The following MAPK9 variants were observed in gnomAD, a reference collection of about 807,000 sequenced individuals.
The protein encoded by MAPK9 is mitogen-activated protein kinase 9, also known as Jun kinase.
MAPK9 carries 30 observed loss-of-function variants against 57.1 expected under a neutral mutation model. The ratio of observed to expected loss-of-function variants is 0.53; its 90% CI spans 0.39 to 0.71. The LOEUF (loss-of-function observed/expected upper bound fraction) is 0.71. MAPK9 is among the 30% of genes least tolerant of loss of function. The pLI is 0.00. For missense variants in MAPK9, 362 were observed against 521.0 expected, an observed-to-expected ratio of 0.69 and a Z score of 2.97; for synonymous variants, 155 against 177.0, an observed-to-expected ratio of 0.88 and a Z score of 0.99.
intron 5 of MAPK9, among the ~76,000 whole-genome samples, chr5:180,251,003 C>T (rs1006812789): frequency 1.3e-5 from 2 of 152,192 alleles, no homozygotes; most frequent in Admixed American, 6.5e-5. Flanking sequence ...ATGACAAGAA[C>T]AGGCATTTTA....
At chr5:180,249,692 A>G (rs1758479072) in intron 5 of MAPK9, among the ~76,000 whole-genome samples, 1 of 152,254 alleles carries the variant, frequency 6.6e-6, no homozygotes, top group Non-Finnish European at 1.5e-5. Flanking sequence ...ATTTTCTACT[A>G]GCCATGCTCA....
At chr5:180,270,165 T>C (rs1761120464) in intron 2 of MAPK9, among the ~76,000 whole-genome samples, 1 of 152,242 alleles carries the variant, frequency 6.6e-6, no homozygotes, top group South Asian at 2.1e-4. Context: ...TTATCACCTC[T>C]GGGCTACTCA....
At position 180,266,340 on chromosome 5, in the gene MAPK9, G is replaced by A. The variant is rs1452985824; in HGVS notation, c.253-1501C>T. On this transcript the variant is annotated intron_variant, in intron 3 of 11. Coordinates refer to ENST00000452135, the MANE Select transcript of MAPK9 (RefSeq NM_002752.5). Reference sequence around the variant, plus strand: ...ACTTTTTTTTTTTTTTTGAGATGGAGTTTCATTCTTGTCCCCCAGGCTGGA... The same window carrying A: ...ACTTTTTTTTTTTTTTTGAGATGGAATTTCATTCTTGTCCCCCAGGCTGGA... Among the ~76,000 whole-genome samples the A allele has an allele frequency of 3.3e-5, 5 of 149,490 alleles. No individual in the cohort carries two copies. In the East Asian group the frequency reaches 7.8e-4, roughly 23 times the overall value.
chr5:180,279,184 T>C (rs1010028112), intron 2 of MAPK9, among the ~76,000 whole-genome samples: 2 of 152,096 alleles, frequency 1.3e-5, no homozygotes, highest in Non-Finnish European at 2.9e-5. Context: ...TCTCGATCTC[T>C]TGACCTCGTG....
rs1047526506 is a variant in MAPK9 at position 180,252,630 on chromosome 5, G to A, written c.451-3492C>T. Among the ~76,000 whole-genome samples the A allele has an allele frequency of 2.6e-5, 4 of 152,176 alleles. 1 individual carries two copies. The highest frequency in any genetic ancestry group is 2.0e-4 in the Admixed American group (3 of 15,284). ...TACTCACAGGCCAAGGAACTCGTGT[G>A]GGCGTTACTCCACCTGCCAAGCGCC... On this transcript the variant is annotated intron_variant, in intron 5 of 11. Coordinates refer to ENST00000452135, the MANE Select transcript of MAPK9 (RefSeq NM_002752.5).
chr5:180,268,838 A>G (rs1008556674), intron 3 of MAPK9, among the ~76,000 whole-genome samples: 1 of 134,394 alleles, frequency 7.4e-6, no homozygotes, highest in Non-Finnish European at 1.6e-5. Context: ...AAAAAAAAAG[A>G]ATGTTATCAA....
chr5:180,245,258 C>T (rs1757992777), intron 7 of MAPK9, among the ~76,000 whole-genome samples: 1 of 152,154 alleles, frequency 6.6e-6, no homozygotes, highest in Admixed American at 6.5e-5. Context: ...AGCTTCAAAG[C>T]AGAGTACAAG....
rs555474810 is a variant in MAPK9 at position 180,280,036 on chromosome 5, C to A, written c.122+404G>T. 6.6e-6 allele frequency: 3 copies of A among 457,602 alleles called. No homozygotes were observed. The East Asian group carries it at 2.1e-4, about 32-fold the overall frequency. 28.3% of individuals were successfully genotyped at this position (457,602 alleles called of 1,614,324 possible). ...ATGGCAAGGCACTGCAATGATGGCG[C>A]CTGGAAATGAACAGGAGTGATCGGG... On this transcript the variant is annotated intron_variant, in intron 2 of 11. Transcript: ENST00000452135.
intron 2 of MAPK9, among the ~76,000 whole-genome samples, chr5:180,274,881 T>C (rs1465121643): frequency 6.6e-6 from 1 of 152,232 alleles, no homozygotes; most frequent in African/African-American, 2.4e-5. Context: ...TGGATACTTT[T>C]TGCTGACCTC....
At chr5:180,263,964 C>T (rs887905009) in intron 4 of MAPK9, among the ~76,000 whole-genome samples, 2 of 152,202 alleles carry the variant, frequency 1.3e-5, no homozygotes, top group African/African-American at 2.4e-5. Flanking sequence ...CTCGGCCTCC[C>T]AAAGTGCTGG....
In MAPK9 at chr5:180,268,624, G is replaced by A. The variant is rs561342400; in HGVS notation, c.252+656C>T. On this transcript the variant is annotated intron_variant, in intron 3 of 11. Transcript: ENST00000452135. Reference sequence around the variant, plus strand: ...TGGCGGACCATGAGGTCAGGAGATCGAGACCATCCCGGCTAACGCGGTGAA... The same window carrying A: ...TGGCGGACCATGAGGTCAGGAGATCAAGACCATCCCGGCTAACGCGGTGAA... Among the ~76,000 whole-genome samples, 60 of 149,458 alleles carry A rather than the reference G, an allele frequency of 4.0e-4. 2 individuals carry two copies. The highest frequency in any genetic ancestry group is 7.8e-3 in the Middle Eastern group (2 of 258).
Position 180,247,995 on chromosome 5 carries a change from G to GAC in MAPK9, c.617-487_617-486dup, listed in dbSNP as rs1361256017. The GAC allele has an allele frequency of 1.4e-6, 2 of 1,475,620 alleles. No individual in the cohort carries two copies. The highest frequency in any genetic ancestry group is 1.9e-6 in the Non-Finnish European group (2 of 1,075,126). The allele number at this position is 1,475,620 out of a possible 1,614,324, so 91.4% of individuals were successfully genotyped here. A position where few individuals can be genotyped will look rare whatever the true frequency, so the allele number is the denominator to read the frequency against. On this transcript the variant is annotated intron_variant, in intron 6 of 11. Transcript: ENST00000452135. This position sits in a 1 kb window ranked among gnomAD's most constrained non-coding sequence, Gnocchi z 4.5. ...CTTTTTTCTTCAAACCCCCTCCCAG[G>GAC]ACAAACCCGGTACACGTCACTAGCT... is the stretch of plus-strand genomic sequence containing the variant.
chr5:180,268,024 CCA>C (rs1760836146), intron 3 of MAPK9, among the ~76,000 whole-genome samples: 8 of 152,088 alleles, frequency 5.3e-5, no homozygotes, highest in Non-Finnish European at 1.2e-4. Flanking sequence ...TGGGGTTTCA[CCA>C]TGTTAGCCAG....
At chr5:180,280,169 G>A (rs1235831305) in intron 2 of MAPK9, 11 of 468,234 alleles carry the variant, frequency 2.3e-5, no homozygotes, top group Non-Finnish European at 3.5e-5. Context: ...CATAATGACA[G>A]GAGAAATGAA....
intron 4 of MAPK9, among the ~76,000 whole-genome samples, chr5:180,262,545 G>A (rs1026051154): frequency 4.7e-5 from 7 of 149,544 alleles, no homozygotes; most frequent in Non-Finnish European, 8.9e-5. Flanking sequence ...CTCATGCCTC[G>A]GACTCCCAGA....
At chr5:180,282,538 G>A (rs914869676) in intron 1 of MAPK9, among the ~76,000 whole-genome samples, 5 of 152,182 alleles carry the variant, frequency 3.3e-5, no homozygotes, top group Admixed American at 6.5e-5. Context: ...AGGAGGAGGC[G>A]GCATCCGCCC....
chr5:180,268,813 C>T (rs997657429), intron 3 of MAPK9, among the ~76,000 whole-genome samples: 4 of 132,132 alleles, frequency 3.0e-5, no homozygotes, highest in Admixed American at 2.3e-4. Flanking sequence ...GGCGACAGAG[C>T]GAGACTCCGT....
At chr5:180,256,399 G>T (rs1407575019) in intron 5 of MAPK9, among the ~76,000 whole-genome samples, 1 of 151,906 alleles carries the variant, frequency 6.6e-6, no homozygotes, top group African/African-American at 2.4e-5. Flanking sequence ...GGGCAGGGGT[G>T]GGGCAGGGGG....
At chr5:180,252,789 G>A (rs572796244) in intron 5 of MAPK9, among the ~76,000 whole-genome samples, 10 of 152,280 alleles carry the variant, frequency 6.6e-5, no homozygotes, top group Non-Finnish European at 8.8e-5. Flanking sequence ...AAGCCACAGA[G>A]GCCTGCCAAT....
Sources: allele counts gnomAD v4.1 joint callset (sites outside exome capture counted in the v4.1 genomes callset), GRCh38; gene constraint gnomAD v4.1.1; non-coding constraint Gnocchi (gnomAD v3.1); transcripts MANE v1.5; gene names NCBI Gene and HGNC (gene_info 2026-07-23, HGNC 2026-07-21).